Variants in CNTNAP3B observed in about 807,000 individuals in gnomAD.
CNTNAP3B encodes contactin associated protein family member 3B.
In CNTNAP3B, 25 loss-of-function variants were observed where a neutral mutation model predicts 108.9. The ratio of observed to expected loss-of-function variants is 0.23; its 90% CI spans 0.17 to 0.32. The LOEUF (loss-of-function observed/expected upper bound fraction) is 0.32, where lower values mean the gene tolerates loss of function less well. CNTNAP3B is among the 10% of genes least tolerant of loss of function. CNTNAP3B has a pLI of 1.00. For synonymous variants in CNTNAP3B, 103 were observed against 473.4 expected (o/e 0.22, Z 10.16); for missense variants, 252 against 1,210.4 (o/e 0.21, Z 11.75).
intron 1 of CNTNAP3B, among the ~76,000 whole-genome samples, chr9:42,118,181 C>T (rs938969478): frequency 1.4e-5 from 2 of 139,428 alleles, no homozygotes; most frequent in East Asian, 2.2e-4. Flanking sequence ...TTTTATGAGG[C>T]CAGCATCATC....
At chr9:42,102,994 GCTT>G (rs1828024596) in intron 2 of CNTNAP3B, among the ~76,000 whole-genome samples, 1 of 111,770 alleles carries the variant, frequency 8.9e-6, no homozygotes, top group African/African-American at 4.2e-5. Flanking sequence ...TTGATATCAT[GCTT>G]TTTTGCACGA....
chr9:41,966,052 G>A (rs1369262235), intron 10 of CNTNAP3B, among the ~76,000 whole-genome samples: 2 of 152,220 alleles, frequency 1.3e-5, no homozygotes, highest in East Asian at 1.9e-4. Context: ...TATTTCAAAG[G>A]CCAAGGCATG....
chr9:42,116,533 T>C, intron 1 of CNTNAP3B, among the ~76,000 whole-genome samples: 1 of 135,354 alleles, frequency 7.4e-6, no homozygotes, highest in South Asian at 2.4e-4. Flanking sequence ...GCACTAAACA[T>C]GGAAAGGAAC....
At chr9:42,036,107 C>CA (rs1479868478) in intron 3 of CNTNAP3B, among the ~76,000 whole-genome samples, 1 of 149,772 alleles carries the variant, frequency 6.7e-6, no homozygotes, top group African/African-American at 2.5e-5. Flanking sequence ...GACTCCGTCT[C>CA]AAAAAACAAA....
At chr9:41,945,011 A>T (rs1824482132) in intron 13 of CNTNAP3B, among the ~76,000 whole-genome samples, 1 of 151,858 alleles carries the variant, frequency 6.6e-6, no homozygotes, top group Non-Finnish European at 1.5e-5. Context: ...AGACACATGA[A>T]AAAATGCTCA....
chr9:42,094,145 G>A (rs1457164968), intron 2 of CNTNAP3B, among the ~76,000 whole-genome samples: 2 of 138,634 alleles, frequency 1.4e-5, no homozygotes, highest in Non-Finnish European at 1.5e-5. Flanking sequence ...ATTGCACAAA[G>A]CGTAAGAAAA....
At chr9:41,978,957 T>C in intron 9 of CNTNAP3B, among the ~76,000 whole-genome samples, 1 of 144,486 alleles carries the variant, frequency 6.9e-6, no homozygotes, top group South Asian at 2.2e-4. Flanking sequence ...AATATTTTAA[T>C]TTTTTTGAAA....
At chr9:42,044,412 CA>C (rs1165907304) in intron 3 of CNTNAP3B, among the ~76,000 whole-genome samples, 10 of 148,162 alleles carry the variant, frequency 6.7e-5, no homozygotes, top group African/African-American at 2.3e-4. Flanking sequence ...TTGTCACCAT[CA>C]AAATACTCAT....
chr9:41,947,261 T>G (rs1306826821), intron 13 of CNTNAP3B, among the ~76,000 whole-genome samples: 27 of 152,088 alleles, frequency 1.8e-4, no homozygotes, highest in East Asian at 1.7e-3. Context: ...ACCATATCCC[T>G]GGGAGCCAAA....
At chr9:41,919,801 C>A (rs1288545432) in intron 18 of CNTNAP3B, among the ~76,000 whole-genome samples, 1 of 152,310 alleles carries the variant, frequency 6.6e-6, no homozygotes, top group Admixed American at 6.5e-5. Context: ...TTTTGAAAAC[C>A]AAATTATTTC....
Position 42,090,840 on chromosome 9 carries a change from T to C in CNTNAP3B, c.197-13778A>G, listed in dbSNP as rs536265660. Among the ~76,000 whole-genome samples the C allele has an allele frequency of 8.0e-5, 6 of 75,310 alleles. No individual in the cohort carries two copies. The East Asian group carries it at 2.1e-3, about 26-fold the overall frequency. 49.4% of individuals were successfully genotyped at this position (75,310 alleles called of 152,430 possible). A position where few individuals can be genotyped will look rare whatever the true frequency, so the allele number is the denominator to read the frequency against. On this transcript the variant is annotated intron_variant, in intron 2 of 23. Transcript: ENST00000377561. ...ATATGTATATATTCCTGCAACTGAATACACACACACACACACACACACACA... is the reference window on the plus strand; with the variant it reads ...ATATGTATATATTCCTGCAACTGAACACACACACACACACACACACACACA...
At chr9:42,098,183 G>A (rs1189620408) in intron 2 of CNTNAP3B, among the ~76,000 whole-genome samples, 1 of 137,898 alleles carries the variant, frequency 7.3e-6, no homozygotes. Context: ...CATTTTCTCT[G>A]TGTGTGTGTC....
rs549881822 is a variant in CNTNAP3B at position 41,953,506 on chromosome 9, C to A, written c.1877-120G>T. The A allele has an allele frequency of 3.7e-3, 4,519 of 1,226,586 alleles. 40 individuals carry two copies. The African/African-American group carries it at 0.062, about 17-fold the overall frequency. The allele number at this position is 1,226,586 out of a possible 1,614,324, so 76.0% of individuals were successfully genotyped here. ...GAAATTTACATTACTGCATGTTTGCCGCGATTTGAGGAGTTGGACCTGTGT... is the reference window on the plus strand; with the variant it reads ...GAAATTTACATTACTGCATGTTTGCAGCGATTTGAGGAGTTGGACCTGTGT... On this transcript the variant is annotated intron_variant, in intron 12 of 23. Transcript: ENST00000377561.
At chr9:41,945,509 C>T (rs1170568917) in intron 13 of CNTNAP3B, among the ~76,000 whole-genome samples, 6 of 152,406 alleles carry the variant, frequency 3.9e-5, no homozygotes, top group Non-Finnish European at 7.3e-5. Flanking sequence ...AGCAAACTAT[C>T]GCAAGGACAA....
chr9:42,035,670 G>A (rs1826609792), intron 3 of CNTNAP3B, among the ~76,000 whole-genome samples: 1 of 150,786 alleles, frequency 6.6e-6, no homozygotes, highest in African/African-American at 2.5e-5. Flanking sequence ...ATTTTTTATT[G>A]TTTTAGAGAC....
At chr9:41,950,584 C>T (rs574942251) in intron 13 of CNTNAP3B, among the ~76,000 whole-genome samples, 8 of 141,972 alleles carry the variant, frequency 5.6e-5, no homozygotes, top group African/African-American at 2.1e-4. Context: ...CACAATTATG[C>T]AAATGAATCT....
intron 15 of CNTNAP3B, 33 bp from the exon 16 acceptor site, chr9:41,924,126 A>C (rs1823743286): frequency 6.2e-7 from 1 of 1,610,784 alleles, no homozygotes; most frequent in Admixed American, 1.7e-5. Flanking sequence ...CAAAAGGAAA[A>C]AAAGTCATGA....
In CNTNAP3B at chr9:41,932,648, T is replaced by C. The variant is rs1824014706; in HGVS notation, c.2238-3204A>G. ...GATTCTCCTGCCTCAGCCTCCAGAG[T>C]AGCTGGGATTACATGCGTGCGCCAC... On this transcript the variant is annotated intron_variant, in intron 14 of 23. Transcript: ENST00000377561. 2.6e-5 allele frequency among the ~76,000 whole-genome samples: 4 copies of C among 152,186 alleles called. No individual in the cohort carries two copies. The South Asian group carries it at 8.3e-4, about 32-fold the overall frequency.
chr9:41,919,172 T>C (rs1371892997), intron 18 of CNTNAP3B, among the ~76,000 whole-genome samples: 1 of 151,994 alleles, frequency 6.6e-6, no homozygotes, highest in Admixed American at 6.6e-5. Context: ...TCTCACTCTG[T>C]CGCCCAGGAG....
Sources: allele counts gnomAD v4.1 joint callset (sites outside exome capture counted in the v4.1 genomes callset), GRCh38; gene constraint gnomAD v4.1.1; transcripts MANE v1.5; gene names NCBI Gene and HGNC (gene_info 2026-07-23, HGNC 2026-07-21).